ITFG1: variants seen among roughly 807,000 people sequenced by gnomAD.
ITFG1 encodes integrin alpha FG-GAP repeat containing 1.
ITFG1 carries 34 observed loss-of-function variants against 81.8 expected under a neutral mutation model. That is an observed-to-expected ratio of 0.42 (90% confidence interval 0.32 to 0.55). The LOEUF (loss-of-function observed/expected upper bound fraction) is 0.55. ITFG1 is among the 20% of genes least tolerant of loss of function. The probability of loss-of-function intolerance (pLI) is 0.17; values close to 1 mark genes in which losing one functional copy is unlikely to be tolerated. For missense variants in ITFG1, 672 were observed against 755.4 expected, an observed-to-expected ratio of 0.89 and a Z score of 1.29; for synonymous variants, 285 against 270.6, an observed-to-expected ratio of 1.05 and a Z score of -0.52.
At chr16:47,346,748 C>T (rs1967861050) in intron 8 of ITFG1, among the ~76,000 whole-genome samples, 1 of 152,212 alleles carries the variant, frequency 6.6e-6, no homozygotes, top group Non-Finnish European at 1.5e-5. Flanking sequence ...GGCCAATGAG[C>T]AATGAGATTG....
intron 8 of ITFG1, among the ~76,000 whole-genome samples, chr16:47,335,314 G>A (rs1967688742): frequency 6.6e-6 from 1 of 152,028 alleles, no homozygotes; most frequent in African/African-American, 2.4e-5. Flanking sequence ...CCCAGATCAT[G>A]CCCATTGCAC....
intron 6 of ITFG1, among the ~76,000 whole-genome samples, chr16:47,392,604 C>G (rs1319157058): frequency 2.0e-5 from 3 of 152,154 alleles, no homozygotes; most frequent in African/African-American, 7.2e-5. Flanking sequence ...AGCTATGTGA[C>G]TTATGGGCCT....
chr16:47,410,811 G>A (rs909513742), intron 6 of ITFG1, among the ~76,000 whole-genome samples: 9 of 152,306 alleles, frequency 5.9e-5, no homozygotes, highest in South Asian at 2.1e-4. Context: ...TTGAGCCTGC[G>A]CAGAGGTTGA....
Position 47,258,756 on chromosome 16 carries a change from C to G in ITFG1, c.1222-16G>C. 2 of 1,237,876 alleles carry G rather than the reference C, an allele frequency of 1.6e-6. No individual in the cohort carries two copies. The highest frequency in any genetic ancestry group is 2.2e-6 in the Non-Finnish European group (2 of 892,190). The allele number at this position is 1,237,876 out of a possible 1,614,324, so 76.7% of individuals were successfully genotyped here. On this transcript the variant is annotated splice_polypyrimidine_tract_variant and intron_variant, in intron 11 of 17. Coordinates refer to ENST00000320640, the MANE Select transcript of ITFG1 (RefSeq NM_030790.5). ...CCAAGATTCCCTGGAAAAAAACAAA[C>G]AAAAATGGTAAGAACAAACTATTAG...
chr16:47,459,868 T>C (rs1227731432), intron 1 of ITFG1, among the ~76,000 whole-genome samples: 4 of 152,298 alleles, frequency 2.6e-5, no homozygotes, highest in East Asian at 1.9e-4. Context: ...TGGGAAAATA[T>C]TCAGGGTTTG....
At chr16:47,410,634 C>G (rs546525065) in intron 6 of ITFG1, among the ~76,000 whole-genome samples, 1 of 152,272 alleles carries the variant, frequency 6.6e-6, no homozygotes, top group Non-Finnish European at 1.5e-5. Context: ...AGCACCTTGA[C>G]GAGTTCCTGG....
Position 47,300,145 on chromosome 16 carries a change from T to A in ITFG1, c.1070+11095A>T, listed in dbSNP as rs1967053741. ...GTGGGAAAGTGGACTGCAGAAAGAGTTTCATTCACCTTTTCCTGTAATGGG... is the reference window on the plus strand; with the variant it reads ...GTGGGAAAGTGGACTGCAGAAAGAGATTCATTCACCTTTTCCTGTAATGGG... On this transcript the variant is annotated intron_variant, in intron 10 of 17. Coordinates refer to ENST00000320640, the MANE Select transcript of ITFG1 (RefSeq NM_030790.5). Among the ~76,000 whole-genome samples, 5 of 152,068 alleles carry A rather than the reference T, an allele frequency of 3.3e-5. No homozygotes were observed. In the South Asian group the frequency reaches 1.0e-3, roughly 32 times the overall value.
At chr16:47,213,920 T>C (rs187870504) in intron 14 of ITFG1, among the ~76,000 whole-genome samples, 22 of 152,300 alleles carry the variant, frequency 1.4e-4, no homozygotes, top group Admixed American at 9.2e-4. Flanking sequence ...TTCCAGCAAA[T>C]GACTGAACTT....
intron 8 of ITFG1, among the ~76,000 whole-genome samples, chr16:47,340,853 A>C (rs1174917227): frequency 6.6e-6 from 1 of 152,248 alleles, no homozygotes; most frequent in African/African-American, 2.4e-5. Context: ...ATTCATATAG[A>C]CAAAAGTTTA....
intron 6 of ITFG1, among the ~76,000 whole-genome samples, chr16:47,409,572 C>T (rs1398139815): frequency 2.0e-5 from 3 of 149,314 alleles, no homozygotes; most frequent in African/African-American, 7.4e-5. Context: ...CACACCACCA[C>T]ACCCAGCTAA....
At chr16:47,277,377 G>T (rs1457130182) in intron 10 of ITFG1, among the ~76,000 whole-genome samples, 1 of 152,150 alleles carries the variant, frequency 6.6e-6, no homozygotes, top group African/African-American at 2.4e-5. Flanking sequence ...GAAGTCCATA[G>T]TCAGCCCTTT....
intron 10 of ITFG1, among the ~76,000 whole-genome samples, chr16:47,272,661 G>C (rs1966355482): frequency 6.6e-6 from 1 of 152,082 alleles, no homozygotes; most frequent in Non-Finnish European, 1.5e-5. Context: ...CTCCCAAAGT[G>C]CTGGGATTAC....
chr16:47,350,827 C>G (rs1967941360), intron 8 of ITFG1, among the ~76,000 whole-genome samples: 1 of 152,160 alleles, frequency 6.6e-6, no homozygotes, highest in Admixed American at 6.5e-5. Context: ...AAAATACTGA[C>G]AAACCGAATC....
At chr16:47,230,178 A>G (rs1002268348) in intron 13 of ITFG1, among the ~76,000 whole-genome samples, 11 of 152,180 alleles carry the variant, frequency 7.2e-5, no homozygotes, top group African/African-American at 2.7e-4. Flanking sequence ...AGAACCTAGG[A>G]TGGAACCTGA....
chr16:47,368,122 T>C (rs1426400857), intron 7 of ITFG1, among the ~76,000 whole-genome samples: 2 of 151,004 alleles, frequency 1.3e-5, no homozygotes, highest in Admixed American at 6.6e-5. Flanking sequence ...TAGTCCCAGA[T>C]ACTCAGGAGG....
intron 8 of ITFG1, among the ~76,000 whole-genome samples, chr16:47,319,161 G>A (rs1967410171): frequency 6.6e-6 from 1 of 152,158 alleles, no homozygotes; most frequent in Non-Finnish European, 1.5e-5. Context: ...CCTTCTAAAT[G>A]TTGATACACT....
intron 12 of ITFG1, among the ~76,000 whole-genome samples, chr16:47,255,868 G>A (rs1966132785): frequency 6.6e-6 from 1 of 152,160 alleles, no homozygotes; most frequent in Non-Finnish European, 1.5e-5. Flanking sequence ...ATGGATGAAG[G>A]AGAGATTAAA....
At chr16:47,195,495 G>T (rs1482584587) in intron 14 of ITFG1, among the ~76,000 whole-genome samples, 1 of 151,748 alleles carries the variant, frequency 6.6e-6, no homozygotes, top group African/African-American at 2.4e-5. Context: ...TTTAAACAAA[G>T]TTTTTTTTAG....
intron 8 of ITFG1, 84 bp downstream of exon 8, chr16:47,365,704 T>C (rs1968167774): frequency 2.5e-6 from 2 of 794,464 alleles, no homozygotes; most frequent in African/African-American, 1.7e-5. Context: ...TTTCCTGCTA[T>C]GGGGAATTAA....
Sources: allele counts gnomAD v4.1 joint callset (sites outside exome capture counted in the v4.1 genomes callset), GRCh38; gene constraint gnomAD v4.1.1; transcripts MANE v1.5; gene names NCBI Gene and HGNC (gene_info 2026-07-23, HGNC 2026-07-21).